SORT1: variants seen among roughly 807,000 people sequenced by gnomAD.
SORT1 encodes the protein sortilin.
A neutral mutation model predicts 101.7 loss-of-function variants in SORT1; 39 were observed. The ratio of observed to expected loss-of-function variants is 0.38; its 90% CI spans 0.30 to 0.50. The LOEUF (loss-of-function observed/expected upper bound fraction) is 0.50, where lower values mean the gene tolerates loss of function less well. Ranked by LOEUF, SORT1 falls within the 20% of genes least tolerant of loss-of-function variation. The pLI, the probability that SORT1 is intolerant of heterozygous loss-of-function variation, is 0.90. For missense variants in SORT1, 878 were observed against 1,040.4 expected (o/e 0.84, Z 2.15); for synonymous variants, 396 against 393.7 (o/e 1.01, Z -0.07).
rs772025062 is a variant in SORT1, at chr1:109,355,448, A to C, written c.462T>G (p.Phe154Leu). 1 of 1,591,554 alleles carries C rather than the reference A, an allele frequency of 6.3e-7. No individual in the cohort carries two copies. The change falls in exon 4 of 20, where the codon TTT (phenylalanine) becomes TTG (leucine). Residue 154 changes from phenylalanine (F) to leucine (L), a missense_variant. Physicochemically the swap from Phe to Leu is conservative, Grantham distance 22 (BLOSUM62 0). Transcript: ENST00000256637. ...TATTGATGAGATCTGTAATATCCTTAAAGTTCTTCCCATAATCCTCACTGA... is the reference window on the plus strand; with the variant it reads ...TATTGATGAGATCTGTAATATCCTTCAAGTTCTTCCCATAATCCTCACTGA... ...LYRSEDYGKNFKDITDLINNT... is the reference protein window; with the variant it reads ...LYRSEDYGKNLKDITDLINNT...
chr1:109,344,100 C>A (rs1250767580), intron 8 of SORT1, among the ~76,000 whole-genome samples: 1 of 152,140 alleles, frequency 6.6e-6, no homozygotes, highest in African/African-American at 2.4e-5. Flanking sequence ...ACATCAAATC[C>A]ATCAGCAAGT....
chr1:109,345,447 G>A (rs995770239), intron 8 of SORT1, among the ~76,000 whole-genome samples: 1 of 151,912 alleles, frequency 6.6e-6, no homozygotes, highest in Non-Finnish European at 1.5e-5. Context: ...TCTGGGAGGC[G>A]GAGGGTGCAG....
intron 16 of SORT1, 113 bp from the exon 17 acceptor site, chr1:109,317,071 C>A: frequency 1.4e-6 from 1 of 702,626 alleles, no homozygotes; most frequent in Non-Finnish European, 2.5e-6. Context: ...ATCCTTACGT[C>A]ATGTTTCAGG....
intron 1 of SORT1, among the ~76,000 whole-genome samples, chr1:109,383,049 A>C (rs1028666969): frequency 1.3e-5 from 2 of 152,240 alleles, no homozygotes; most frequent in African/African-American, 4.8e-5. Flanking sequence ...ATAAGCTTGG[A>C]AAATTTAAAG....
At chr1:109,378,449 A>G (rs1006077505) in intron 1 of SORT1, among the ~76,000 whole-genome samples, 40 of 151,762 alleles carry the variant, frequency 2.6e-4, no homozygotes, top group Non-Finnish European at 5.1e-4. Flanking sequence ...GCCTGAAAAT[A>G]ATGAGCCAAT....
chr1:109,328,537 G>A (rs1247101621), intron 11 of SORT1, among the ~76,000 whole-genome samples: 1 of 152,180 alleles, frequency 6.6e-6, no homozygotes, highest in East Asian at 1.9e-4. Flanking sequence ...TTGGAGAAAT[G>A]TCTATACAAG....
chr1:109,390,860 C>A (rs978366651), intron 1 of SORT1, among the ~76,000 whole-genome samples: 1 of 151,478 alleles, frequency 6.6e-6, no homozygotes, highest in African/African-American at 2.4e-5. Flanking sequence ...AAACATAAGA[C>A]GGATAGTATT....
In SORT1 at chr1:109,328,865, T is replaced by C. The variant is rs148470221; in HGVS notation, c.1372-1264A>G. ...GTCCACTCTCACAGACCCAGCCAAG[T>C]GGACCCCTGCATCAGGCCAGCCCCT... On this transcript the variant is annotated intron_variant, in intron 11 of 19. Coordinates refer to ENST00000256637, the MANE Select transcript of SORT1 (RefSeq NM_002959.7). 8.6e-3 allele frequency among the ~76,000 whole-genome samples: 1,311 copies of C among 152,268 alleles called. 27 individuals are homozygous for C. The highest frequency in any genetic ancestry group is 0.03 in the African/African-American group (1,250 of 41,550).
chr1:109,324,167 C>T (rs948354045), intron 14 of SORT1, among the ~76,000 whole-genome samples: 3 of 151,766 alleles, frequency 2.0e-5, no homozygotes, highest in Non-Finnish European at 2.9e-5. Flanking sequence ...TTGCTCTTGT[C>T]GCCCAGGCTG....
At chr1:109,355,638 T>TCCCC (rs779609132) in intron 3 of SORT1, among the ~76,000 whole-genome samples, 169 bp from the exon 4 acceptor site, 39 of 41,246 alleles carry the variant, frequency 9.5e-4, no homozygotes, top group East Asian at 4.7e-3. Flanking sequence ...CGAAGAACAT[T>TCCCC]CCACCCGCCC....
intron 1 of SORT1, among the ~76,000 whole-genome samples, chr1:109,376,588 T>G (rs902519636): frequency 7.2e-5 from 11 of 152,254 alleles, no homozygotes; most frequent in Non-Finnish European, 1.3e-4. Flanking sequence ...ATCATGTCCC[T>G]TGCAGCAACA....
At chr1:109,347,451 G>T in intron 7 of SORT1, 32 bp downstream of exon 7, 1 of 1,490,908 alleles carries the variant, frequency 6.7e-7, no homozygotes, top group South Asian at 1.1e-5. Context: ...TGGACAACAG[G>T]ACATTATTTT....
chr1:109,331,497 C>A (rs1648449821), intron 11 of SORT1, among the ~76,000 whole-genome samples: 1 of 151,760 alleles, frequency 6.6e-6, no homozygotes, highest in African/African-American at 2.4e-5. Context: ...GATAAAAACT[C>A]TCAATAAATT....
intron 3 of SORT1, among the ~76,000 whole-genome samples, chr1:109,360,115 C>CTGGG (rs1650614976): frequency 6.6e-6 from 1 of 152,194 alleles, no homozygotes; most frequent in Non-Finnish European, 1.5e-5. Context: ...GGTCTTAAGG[C>CTGGG]TGGGCATCCT....
chr1:109,342,845 C>T (rs1649320305), intron 8 of SORT1, among the ~76,000 whole-genome samples: 1 of 152,072 alleles, frequency 6.6e-6, no homozygotes. Context: ...AATAGCTTAA[C>T]ATCGCTACTA....
chr1:109,380,284 C>A (rs1380763259), intron 1 of SORT1, among the ~76,000 whole-genome samples: 1 of 151,778 alleles, frequency 6.6e-6, no homozygotes, highest in Admixed American at 6.6e-5. Context: ...CAGAGTGGGA[C>A]CCTGTGTCAA....
intron 1 of SORT1, among the ~76,000 whole-genome samples, 155 bp from the exon 2 acceptor site, chr1:109,369,744 GA>G (rs937490590): frequency 6.6e-6 from 1 of 152,128 alleles, no homozygotes; most frequent in Non-Finnish European, 1.5e-5. Flanking sequence ...GGAGGGATGG[GA>G]TTTAACTACT....
intron 4 of SORT1, among the ~76,000 whole-genome samples, chr1:109,355,140 G>T (rs1438732380): frequency 2.6e-5 from 4 of 152,150 alleles, no homozygotes; most frequent in Non-Finnish European, 4.4e-5. Context: ...AGGATCCCTT[G>T]AGCCTGGAAG....
At chr1:109,377,782 A>C in intron 1 of SORT1, among the ~76,000 whole-genome samples, 1 of 152,256 alleles carries the variant, frequency 6.6e-6, no homozygotes, top group East Asian at 1.9e-4. Context: ...GAGCAAGGCA[A>C]TGAGAGAAGG....
Sources: allele counts gnomAD v4.1 joint callset (sites outside exome capture counted in the v4.1 genomes callset), GRCh38; gene constraint gnomAD v4.1.1; transcripts MANE v1.5; gene names NCBI Gene and HGNC (gene_info 2026-07-23, HGNC 2026-07-21).